CPM: variants seen among roughly 807,000 people sequenced by gnomAD.
CPM encodes carboxypeptidase M, also known as renal carboxypeptidase.
CPM carries 35 observed loss-of-function variants against 46.4 expected under a neutral mutation model. The observed-to-expected ratio is 0.75, with a 90% CI of 0.58 to 1.00. The LOEUF (loss-of-function observed/expected upper bound fraction) is 1.00, where lower values mean the gene tolerates loss of function less well. CPM is among the 50% of genes least tolerant of loss of function. CPM has a pLI of 0.00. For missense variants in CPM, 422 were observed against 530.4 expected, an observed-to-expected ratio of 0.80 and a Z score of 2.01; for synonymous variants, 195 against 195.3, an observed-to-expected ratio of 1.00 and a Z score of 0.01.
intron 2 of CPM, among the ~76,000 whole-genome samples, chr12:68,911,757 A>C (rs1156518331): frequency 6.6e-6 from 1 of 152,198 alleles, no homozygotes; most frequent in East Asian, 1.9e-4. Context: ...ACAACCTACG[A>C]GGTAGAACTA....
intron 2 of CPM, among the ~76,000 whole-genome samples, chr12:68,892,837 C>T (rs1226045390): frequency 6.6e-6 from 1 of 151,890 alleles, no homozygotes; most frequent in Non-Finnish European, 1.5e-5. Context: ...AAGCAAAACT[C>T]GTCTCAAAAC....
At chr12:68,960,872 G>C (rs1400448014) in intron 1 of CPM, among the ~76,000 whole-genome samples, 1 of 152,144 alleles carries the variant, frequency 6.6e-6, no homozygotes, top group African/African-American at 2.4e-5. Flanking sequence ...TGTCCTATCT[G>C]CAGAACAGGT....
intron 3 of CPM, among the ~76,000 whole-genome samples, chr12:68,872,555 A>C (rs540645187): frequency 6.6e-6 from 1 of 152,270 alleles, no homozygotes; most frequent in East Asian, 1.9e-4. Flanking sequence ...GCCCGGCCGC[A>C]ATAATGATTC....
intron 5 of CPM, chr12:68,845,212 A>G (rs1884184102): frequency 5.2e-6 from 1 of 193,094 alleles, no homozygotes; most frequent in Non-Finnish European, 9.5e-6. Flanking sequence ...TTATAAAAAG[A>G]AAAAGTATTT....
At chr12:68,932,938 A>G (rs1888574592) in intron 1 of CPM, 98 bp from the exon 2 acceptor site, 3 of 1,099,928 alleles carry the variant, frequency 2.7e-6, no homozygotes, top group East Asian at 4.8e-5. Context: ...GGGTCTCCCG[A>G]CACTGACGCT....
At position 68,873,926 on chromosome 12, in the gene CPM, C is replaced by A. The variant is rs190168151; in HGVS notation, c.259-1970G>T. On this transcript the variant is annotated intron_variant, in intron 3 of 8. Transcript: ENST00000551568. ...ATTCAAGCAATTCTCCTGCCTCACC[C>A]TCCCAAGTAGCTGAGATTACAGGTG... is the stretch of plus-strand genomic sequence containing the variant. 7.5e-3 allele frequency among the ~76,000 whole-genome samples: 1,134 copies of A among 152,086 alleles called. 13 individuals carry two copies. Among genetic ancestry groups the A allele is most frequent in the African/African-American group, 0.026 (1,072 of 41,488 alleles).
chr12:68,876,893 C>T (rs970129535), intron 3 of CPM, among the ~76,000 whole-genome samples: 2 of 148,250 alleles, frequency 1.3e-5, no homozygotes, highest in Non-Finnish European at 3.0e-5. Flanking sequence ...CACGCGCATG[C>T]GTGTGTGTGT....
At chr12:68,957,999 T>C (rs1047204852) in intron 1 of CPM, among the ~76,000 whole-genome samples, 1 of 152,204 alleles carries the variant, frequency 6.6e-6, no homozygotes, top group Non-Finnish European at 1.5e-5. Context: ...GCTTCATCCA[T>C]GTCCCTGCAA....
chr12:68,893,946 C>A (rs572742049), intron 2 of CPM, among the ~76,000 whole-genome samples: 4 of 152,250 alleles, frequency 2.6e-5, no homozygotes, highest in African/African-American at 9.6e-5. Flanking sequence ...TAACTGATTG[C>A]CTGGACAAGG....
At chr12:68,907,818 G>GTTATTTATTTATTTATTTATTTAT (rs528453019) in intron 2 of CPM, among the ~76,000 whole-genome samples, 1 of 151,548 alleles carries the variant, frequency 6.6e-6, no homozygotes, top group East Asian at 1.9e-4. Context: ...GGCTGGGTTG[G>GTTATTTATTTATTTATTTATTTAT]TTATTTATTT....
In CPM at chr12:68,852,986, A is replaced by C. The variant is rs1884791205; in HGVS notation, c.*3451T>G. 1 of 152,344 alleles carries C rather than the reference A, an allele frequency of 6.6e-6. No homozygotes were observed. The highest frequency in any genetic ancestry group is 2.4e-5 in the African/African-American group (1 of 41,458). 9.4% of individuals were successfully genotyped at this position (152,344 alleles called of 1,614,324 possible). A position where few individuals can be genotyped will look rare whatever the true frequency, so the allele number is the denominator to read the frequency against. On this transcript the variant is annotated 3_prime_UTR_variant, in exon 9 of 9. Transcript: ENST00000551568. The stretch of plus-strand genomic sequence containing the variant: ...GCTGGAGGAGCATAACCACCAGCCC[A>C]AGAGGGAGGGGAAAAGCCGGAAAGG...
intron 2 of CPM, among the ~76,000 whole-genome samples, chr12:68,903,686 G>A (rs1347917743): frequency 6.6e-6 from 1 of 152,198 alleles, no homozygotes; most frequent in East Asian, 1.9e-4. Context: ...CAAAGGACAT[G>A]AGGCACATTG....
chr12:68,946,969 T>A (rs1888858329), intron 1 of CPM, among the ~76,000 whole-genome samples: 1 of 152,164 alleles, frequency 6.6e-6, no homozygotes, highest in Admixed American at 6.5e-5. Context: ...CATAAAAAGA[T>A]TATTTTGGTC....
At chr12:68,951,074 G>GGT (rs1348688023) in intron 1 of CPM, among the ~76,000 whole-genome samples, 2 of 152,142 alleles carry the variant, frequency 1.3e-5, no homozygotes, top group Non-Finnish European at 2.9e-5. Context: ...TTGGAACATG[G>GGT]AATGAAACAT....
chr12:68,871,343 T>C (rs990352835), intron 4 of CPM, among the ~76,000 whole-genome samples: 1 of 151,992 alleles, frequency 6.6e-6, no homozygotes, highest in Admixed American at 6.6e-5. Context: ...AAATTAGATA[T>C]TAAAAGTTGT....
At chr12:68,919,103 G>A (rs1372892046) in intron 2 of CPM, among the ~76,000 whole-genome samples, 1 of 152,180 alleles carries the variant, frequency 6.6e-6, no homozygotes, top group Non-Finnish European at 1.5e-5. Flanking sequence ...TGTGCACTTT[G>A]TAATCAGGCT....
intron 2 of CPM, among the ~76,000 whole-genome samples, chr12:68,923,805 T>C (rs1355855098): frequency 6.6e-6 from 1 of 152,226 alleles, no homozygotes; most frequent in Non-Finnish European, 1.5e-5. Flanking sequence ...TGTTCACTGT[T>C]GTCAGGATTC....
chr12:68,859,761 G>GC lies in CPM; in HGVS notation c.941-691dup, dbSNP rs558551726. Among the ~76,000 whole-genome samples the GC allele has an allele frequency of 2.8e-4, 43 of 152,270 alleles. 1 individual carries two copies. The South Asian group carries it at 8.5e-3, about 30-fold the overall frequency. On this transcript the variant is annotated intron_variant, in intron 7 of 8. Coordinates refer to ENST00000551568, the MANE Select transcript of CPM (RefSeq NM_198320.5). ...TCAAACTCACACAGCCAACGAAGTG[G>GC]CCCAGCCTAGCCGTCAACCCATGAT...
At chr12:68,879,479 T>G (rs1886095372) in intron 3 of CPM, among the ~76,000 whole-genome samples, 1 of 152,144 alleles carries the variant, frequency 6.6e-6, no homozygotes, top group Non-Finnish European at 1.5e-5. Context: ...TCCTTCCACC[T>G]CAGCCTCCTG....
Sources: gnomAD v4.1 joint callset for allele counts (sites outside exome capture counted in the v4.1 genomes callset) on GRCh38, gnomAD v4.1.1 for gene constraint, MANE v1.5 for transcripts, NCBI Gene and HGNC (gene_info 2026-07-23, HGNC 2026-07-21) for gene names.